The following PHF14 variants were observed in gnomAD, a reference collection of about 807,000 sequenced individuals.
PHF14 encodes PHD finger protein 14.
A neutral mutation model predicts 117.9 loss-of-function variants in PHF14; 55 were observed. The observed-to-expected ratio is 0.47, with a 90% CI of 0.38 to 0.58. PHF14 has a LOEUF of 0.58. PHF14 is among the 20% of genes least tolerant of loss of function. The pLI is 0.00. For synonymous variants in PHF14, 409 were observed against 368.6 expected (o/e 1.11, Z -1.26); for missense variants, 978 against 1,122.2 (o/e 0.87, Z 1.84).
intron 17 of PHF14, among the ~76,000 whole-genome samples, chr7:11,149,550 C>G (rs1008551327): frequency 5.9e-5 from 9 of 152,116 alleles, no homozygotes; most frequent in African/African-American, 2.2e-4. Flanking sequence ...TGCAACTTGC[C>G]TTGGCATCTG....
chr7:11,038,789 C>T lies in PHF14; in HGVS notation c.2010C>T (p.Asn670=). The change falls in exon 11 of 18, where the codon AAC becomes AAT. Residue 670 remains asparagine, a synonymous_variant. Coordinates refer to ENST00000634607, the MANE Select transcript of PHF14 (RefSeq NM_001007157.2). ...KLCESLEELQ[N]LNGKLRSEGQ... ...GTGAATCTTTAGAAGAACTACAAAA[C>T]CTGAATGGAAAACTTCGAAGTGAAG... 6 of 1,591,256 alleles carry T rather than the reference C, an allele frequency of 3.8e-6. No homozygotes were observed. Among genetic ancestry groups the T allele is most frequent in the Non-Finnish European group, 5.1e-6 (6 of 1,165,406 alleles).
At chr7:11,023,170 T>C (rs1783792208) in intron 6 of PHF14, among the ~76,000 whole-genome samples, 191 bp downstream of exon 6, 1 of 152,200 alleles carries the variant, frequency 6.6e-6, no homozygotes. Flanking sequence ...TATACATTCT[T>C]AATTTAGAGT....
intron 16 of PHF14, chr7:11,062,593 A>C: frequency 1.7e-6 from 1 of 571,958 alleles, no homozygotes; most frequent in Non-Finnish European, 2.2e-6. Context: ...AGGTGAAAAG[A>C]TGGCCTAGGT....
At chr7:11,153,784 GATTA>G (rs781361723) in intron 17 of PHF14, among the ~76,000 whole-genome samples, 6 of 152,030 alleles carry the variant, frequency 3.9e-5, no homozygotes, top group Non-Finnish European at 8.8e-5. Flanking sequence ...GTGGTTATAG[GATTA>G]ATTAAAGAAG....
intron 5 of PHF14, among the ~76,000 whole-genome samples, chr7:11,015,997 G>A (rs1783521108): frequency 1.3e-5 from 2 of 152,076 alleles, no homozygotes; most frequent in African/African-American, 4.8e-5. Flanking sequence ...ACACTGTCAA[G>A]TAGTGGTTAC....
chr7:11,054,325 C>T (rs975797669), intron 14 of PHF14, among the ~76,000 whole-genome samples: 3 of 152,070 alleles, frequency 2.0e-5, no homozygotes, highest in Admixed American at 6.6e-5. Context: ...TTAGGTGCTA[C>T]GCTTATACTA....
At chr7:11,085,847 T>G (rs1485182818) in intron 16 of PHF14, among the ~76,000 whole-genome samples, 1 of 151,604 alleles carries the variant, frequency 6.6e-6, no homozygotes, top group East Asian at 1.9e-4. Flanking sequence ...ATAAGTACAG[T>G]TTTTTTTAAC....
chr7:11,042,858 C>G (rs776218687), intron 13 of PHF14, 44 bp downstream of exon 13: 4 of 1,366,114 alleles, frequency 2.9e-6, no homozygotes, highest in African/African-American at 1.4e-5. Flanking sequence ...TTGATTTACT[C>G]TTAGTTTCAG....
intron 7 of PHF14, among the ~76,000 whole-genome samples, chr7:11,029,908 G>A (rs1242776184): frequency 1.3e-5 from 2 of 151,656 alleles, no homozygotes; most frequent in African/African-American, 2.4e-5. Context: ...TTTTATCTTA[G>A]TACATTTATT....
At position 11,099,178 on chromosome 7, in the gene PHF14, A is replaced by G. The variant is rs188222365; in HGVS notation, c.2655-12172A>G. ...TACTTGGTATATTTTTTCTATAATT[A>G]AGTTGATTTGCTGATCTTGTTAGAC... On this transcript the variant is annotated intron_variant, in intron 16 of 17. Transcript: ENST00000634607. 2.0e-3 allele frequency among the ~76,000 whole-genome samples: 312 copies of G among 152,232 alleles called. 1 individual carries two copies. Among genetic ancestry groups the G allele is most frequent in the African/African-American group, 7.4e-3 (306 of 41,562 alleles).
At chr7:10,988,642 A>G (rs145736005) in intron 3 of PHF14, among the ~76,000 whole-genome samples, 156 of 150,620 alleles carry the variant, frequency 1.0e-3, no homozygotes, top group African/African-American at 2.3e-3. Context: ...GGAGCTTGCA[A>G]CTTTTCTTTT....
chr7:11,088,639 C>G (rs1007333164), intron 16 of PHF14, among the ~76,000 whole-genome samples: 1 of 151,234 alleles, frequency 6.6e-6, no homozygotes, highest in African/African-American at 2.4e-5. Context: ...TCATAATAAC[C>G]CTCCTGGGAA....
At chr7:11,022,831 A>G in intron 5 of PHF14, 37 bp from the exon 6 acceptor site, 1 of 1,239,738 alleles carries the variant, frequency 8.1e-7, no homozygotes, top group Non-Finnish European at 1.1e-6. Flanking sequence ...AATTTTATTA[A>G]AAGATTTGAT....
intron 6 of PHF14, among the ~76,000 whole-genome samples, chr7:11,023,606 C>G (rs1327768336): frequency 1.3e-5 from 2 of 152,148 alleles, no homozygotes; most frequent in Non-Finnish European, 2.9e-5. Context: ...GTGGGCAGAT[C>G]ACCTGAGATT....
intron 17 of PHF14, among the ~76,000 whole-genome samples, chr7:11,147,546 G>C (rs767456204): frequency 6.6e-6 from 1 of 152,134 alleles, no homozygotes; most frequent in African/African-American, 2.4e-5. Flanking sequence ...TAGTTATGCC[G>C]CTGTCTGAAT....
At chr7:11,150,100 A>G (rs890587082) in intron 17 of PHF14, among the ~76,000 whole-genome samples, 24 of 152,166 alleles carry the variant, frequency 1.6e-4, no homozygotes, top group Non-Finnish European at 2.9e-4. Flanking sequence ...AGCATCATAC[A>G]TTCATATGAA....
At chr7:10,984,640 C>T (rs1388021564) in intron 3 of PHF14, among the ~76,000 whole-genome samples, 1 of 152,142 alleles carries the variant, frequency 6.6e-6, no homozygotes, top group Non-Finnish European at 1.5e-5. Context: ...AGTAGTCTAG[C>T]TAATGATAGA....
At chr7:11,109,550 G>C (rs1787374704) in intron 16 of PHF14, 1 of 151,868 alleles carries the variant, frequency 6.6e-6, no homozygotes, top group South Asian at 2.1e-4. Flanking sequence ...CATAAACTCA[G>C]AAATACTTAT....
intron 14 of PHF14, 36 bp downstream of exon 14, chr7:11,051,816 A>T: frequency 1.3e-6 from 2 of 1,566,178 alleles, no homozygotes; most frequent in Non-Finnish European, 1.7e-6. Flanking sequence ...GCATCATACA[A>T]TTCTGAGGCC....
Sources: gnomAD v4.1 joint callset for allele counts (sites outside exome capture counted in the v4.1 genomes callset) on GRCh38, gnomAD v4.1.1 for gene constraint, MANE v1.5 for transcripts, NCBI Gene and HGNC (gene_info 2026-07-23, HGNC 2026-07-21) for gene names.